COL5A1: variants seen among roughly 807,000 people sequenced by gnomAD.
The protein encoded by COL5A1 is collagen type V alpha 1 chain.
Under a neutral mutation model 263.7 loss-of-function variants are expected in COL5A1, and 16 were observed. The ratio of observed to expected loss-of-function variants is 0.06; its 90% CI spans 0.04 to 0.09. The LOEUF (loss-of-function observed/expected upper bound fraction) is 0.09. COL5A1 is among the 10% of genes least tolerant of loss of function. The probability of loss-of-function intolerance (pLI) is 1.00; values close to 1 mark genes in which losing one functional copy is unlikely to be tolerated. For synonymous variants in COL5A1, 1,012 were observed against 1,004.5 expected (o/e 1.01, Z -0.14); for missense variants, 2,036 against 2,540.5 (o/e 0.80, Z 4.27).
chr9:134,693,305 G>A (rs7866155), intron 2 of COL5A1, among the ~76,000 whole-genome samples: 5,996 of 152,130 alleles, frequency 0.039, 335 homozygotes, highest in African/African-American at 0.12. Context: ...CCTGGGCAAC[G>A]GAGTGAGTGA....
chr9:134,775,237 C>T (rs767902532), intron 27 of COL5A1, among the ~76,000 whole-genome samples: 5 of 152,248 alleles, frequency 3.3e-5, no homozygotes, highest in Admixed American at 6.5e-5. Context: ...TAATTGTTGC[C>T]ATTTGTCAGG....
chr9:134,760,426 ACC>A (rs1420648624), intron 18 of COL5A1, among the ~76,000 whole-genome samples: 1 of 94,192 alleles, frequency 1.1e-5, no homozygotes, highest in Non-Finnish European at 2.0e-5. Context: ...ATGCACACAC[ACC>A]ACACATGCAC....
intron 65 of COL5A1, among the ~76,000 whole-genome samples, chr9:134,836,583 G>C (rs1178440616): frequency 6.6e-6 from 1 of 152,224 alleles, no homozygotes; most frequent in African/African-American, 2.4e-5. Context: ...CTCAGTGTGA[G>C]GCCTGGGCAG....
chr9:134,785,562 CCA>C (rs1837426077), intron 30 of COL5A1, among the ~76,000 whole-genome samples: 1 of 152,148 alleles, frequency 6.6e-6, no homozygotes. Flanking sequence ...CCTGGGCCAG[CCA>C]CACACCCTGG....
chr9:134,768,127 G>A (rs528030404), intron 24 of COL5A1, among the ~76,000 whole-genome samples: 4 of 152,164 alleles, frequency 2.6e-5, no homozygotes, highest in Non-Finnish European at 4.4e-5. Flanking sequence ...ATGCCCCCCC[G>A]GGCCCCAGTA....
At chr9:134,839,038 C>T (rs571014420) in intron 65 of COL5A1, among the ~76,000 whole-genome samples, 158 of 152,368 alleles carry the variant, frequency 1.0e-3, no homozygotes, top group African/African-American at 3.6e-3. Context: ...GGCCCTGATG[C>T]CCCGAACTCG....
intron 4 of COL5A1, among the ~76,000 whole-genome samples, chr9:134,725,308 C>T (rs529802058): frequency 6.6e-6 from 1 of 152,176 alleles, no homozygotes; most frequent in African/African-American, 2.4e-5. Context: ...GGGGATTAGT[C>T]GGACACAATT....
chr9:134,709,850 C>T (rs554683910), intron 4 of COL5A1, among the ~76,000 whole-genome samples: 13 of 152,260 alleles, frequency 8.5e-5, no homozygotes, highest in South Asian at 2.1e-4. Flanking sequence ...TGGGAAGGGA[C>T]GCATGATGCT....
rs142958894 is a variant in COL5A1, at chr9:134,772,604, C to T, written c.2287-186C>T. ...GGAGCAGCCGAGGTTCAGGGCCTGG[C>T]GGCTCGGGGAGGCCGGGCTGTGCTT... On this transcript the variant is annotated intron_variant, in intron 25 of 65. Coordinates refer to ENST00000371817, the MANE Select transcript of COL5A1 (RefSeq NM_000093.5). Among the ~76,000 whole-genome samples the T allele has an allele frequency of 1.1e-4, 16 of 152,342 alleles. No homozygotes were observed. The East Asian group carries it at 2.7e-3, about 26-fold the overall frequency.
intron 44 of COL5A1, among the ~76,000 whole-genome samples, chr9:134,810,791 G>A (rs1838493270): frequency 1.3e-5 from 2 of 152,262 alleles, no homozygotes; most frequent in South Asian, 2.1e-4. Context: ...GTACAGCCAG[G>A]CCTTTCCCCC....
intron 64 of COL5A1, among the ~76,000 whole-genome samples, chr9:134,831,515 G>C (rs1375576821): frequency 6.6e-6 from 1 of 152,212 alleles, no homozygotes; most frequent in Non-Finnish European, 1.5e-5. Context: ...CGGGACCAGG[G>C]CTGCTTGGCC....
chr9:134,797,258 T>TG (rs2132809178), intron 36 of COL5A1, among the ~76,000 whole-genome samples: 1 of 152,354 alleles, frequency 6.6e-6, no homozygotes, highest in South Asian at 2.1e-4. Flanking sequence ...GAACTGGGTG[T>TG]GGCTCTTCTG....
At position 134,842,046 on chromosome 9, in the gene COL5A1, A is replaced by C; in HGVS notation, c.5371-111A>C. ...GGGCAAGCGCAGCCCTGGGTAGGAG[A>C]CAGGACACCAGCCTGGGTTTTGGAG... On this transcript the variant is annotated intron_variant, in intron 65 of 65. Transcript: ENST00000371817. This position sits in a 1 kb window ranked among gnomAD's most constrained non-coding sequence, Gnocchi z 5.8. 1 of 1,274,908 alleles carries C rather than the reference A, an allele frequency of 7.8e-7. No homozygotes were observed. The allele number at this position is 1,274,908 out of a possible 1,614,324, so 79.0% of individuals were successfully genotyped here.
rs1251113447 is a variant in COL5A1 at position 134,818,724 on chromosome 9, G to A, written c.4299G>A (p.Lys1433=). 6.2e-7 allele frequency: 1 copy of A among 1,611,412 alleles called. No homozygotes were observed. Among genetic ancestry groups the A allele is most frequent in the Non-Finnish European group, 8.5e-7 (1 of 1,179,298 alleles). The change falls in exon 55 of 66, where the codon AAG becomes AAA. Residue 1433 remains lysine, a synonymous_variant. Coordinates refer to ENST00000371817, the MANE Select transcript of COL5A1 (RefSeq NM_000093.5). The surrounding 1 kb of genome is among the most constrained non-coding windows in gnomAD (Gnocchi z 6.0). ...GPIGPQGAPG[K]PGPDGLRGIP... ...TCGGCCCCCAGGGGGCCCCTGGGAA[G>A]CCCGGACCGGATGGCCTTCGAGGGA...
chr9:134,816,693 T>TC (rs762746740), intron 52 of COL5A1, among the ~76,000 whole-genome samples: 1 of 152,142 alleles, frequency 6.6e-6, no homozygotes, highest in Admixed American at 6.5e-5. Context: ...ACGATTCTTG[T>TC]CCCCCCTTCT....
chr9:134,673,883 C>T (rs1832614497), intron 1 of COL5A1, among the ~76,000 whole-genome samples: 1 of 152,184 alleles, frequency 6.6e-6, no homozygotes, highest in South Asian at 2.1e-4. Flanking sequence ...AGGCAAATGA[C>T]CCCACTTAAA....
intron 49 of COL5A1, 74 bp downstream of exon 49, chr9:134,814,110 C>A (rs2132852088): frequency 1.4e-6 from 2 of 1,437,260 alleles, no homozygotes; most frequent in African/African-American, 2.8e-5. Flanking sequence ...GGGTTGGAGG[C>A]TCTGGCTCTG....
At position 134,731,844 on chromosome 9, in the gene COL5A1, G is replaced by C. The variant is rs975145930; in HGVS notation, c.1332+181G>C. On this transcript the variant is annotated intron_variant, in intron 8 of 65. Coordinates refer to ENST00000371817, the MANE Select transcript of COL5A1 (RefSeq NM_000093.5). Reference sequence around the variant, plus strand: ...GCCTCGAATTTGCTCTGAATAACGTGTGTATCGGAGCATACTCTCCTCTGG... The same window carrying C: ...GCCTCGAATTTGCTCTGAATAACGTCTGTATCGGAGCATACTCTCCTCTGG... 4.6e-5 allele frequency among the ~76,000 whole-genome samples: 7 copies of C among 152,312 alleles called. No homozygotes were observed. In the South Asian group the frequency reaches 1.4e-3, roughly 32 times the overall value.
intron 28 of COL5A1, among the ~76,000 whole-genome samples, chr9:134,782,175 C>T (rs191170382): frequency 1.3e-5 from 2 of 152,316 alleles, no homozygotes; most frequent in Admixed American, 1.3e-4. Context: ...TCCCCCGCCA[C>T]CCCCGGCAAC....
Sources: allele counts gnomAD v4.1 joint callset (sites outside exome capture counted in the v4.1 genomes callset), GRCh38; gene constraint gnomAD v4.1.1; non-coding constraint Gnocchi (gnomAD v3.1); transcripts MANE v1.5; gene names NCBI Gene and HGNC (gene_info 2026-07-23, HGNC 2026-07-21).